CA10: variants seen among roughly 807,000 people sequenced by gnomAD.
CA10 encodes carbonic anhydrase 10 (inactive).
A neutral mutation model predicts 44.2 loss-of-function variants in CA10; 14 were observed. The ratio of observed to expected loss-of-function variants is 0.32; its 90% CI spans 0.21 to 0.50. The LOEUF (loss-of-function observed/expected upper bound fraction) is 0.50. Ranked by LOEUF, CA10 falls within the 20% of genes least tolerant of loss-of-function variation. The pLI, the probability that CA10 is intolerant of heterozygous loss-of-function variation, is 0.99. For missense variants in CA10, 350 were observed against 409.7 expected, an observed-to-expected ratio of 0.85 and a Z score of 1.26; for synonymous variants, 159 against 141.6, an observed-to-expected ratio of 1.12 and a Z score of -0.87.
At position 51,644,082 on chromosome 17, in the gene CA10, C is replaced by T. The variant is rs182315037; in HGVS notation, c.634+5100G>A. On this transcript the variant is annotated intron_variant, in intron 6 of 8. Transcript: ENST00000451037. Reference sequence around the variant, plus strand: ...CCTCCAAAATTCCCAATCCTCTTGGCGAGATTCTCCCTCTTTCCTCCTTGT... The same window carrying T: ...CCTCCAAAATTCCCAATCCTCTTGGTGAGATTCTCCCTCTTTCCTCCTTGT... Among the ~76,000 whole-genome samples, 12 of 152,260 alleles carry T rather than the reference C, an allele frequency of 7.9e-5. No individual in the cohort carries two copies. The East Asian group carries it at 1.2e-3, about 15-fold the overall frequency.
At chr17:51,937,653 G>C (rs911183834) in intron 2 of CA10, among the ~76,000 whole-genome samples, 1 of 152,012 alleles carries the variant, frequency 6.6e-6, no homozygotes, top group Non-Finnish European at 1.5e-5. Flanking sequence ...GATGAACCAG[G>C]GATAGAAAGA....
At chr17:51,770,921 C>T (rs992914445) in intron 3 of CA10, among the ~76,000 whole-genome samples, 1 of 151,674 alleles carries the variant, frequency 6.6e-6, no homozygotes, top group Admixed American at 6.6e-5. Context: ...GTCAAGAGAT[C>T]GAGACCATCC....
At chr17:51,744,324 A>G (rs1904582742) in intron 4 of CA10, among the ~76,000 whole-genome samples, 1 of 152,086 alleles carries the variant, frequency 6.6e-6, no homozygotes, top group Non-Finnish European at 1.5e-5. Flanking sequence ...CAAAAAAAAA[A>G]AAAAAATTAT....
intron 1 of CA10, chr17:52,134,970 G>A (rs1339840138): frequency 1.9e-6 from 1 of 518,976 alleles, no homozygotes; most frequent in Non-Finnish European, 3.8e-6. Flanking sequence ...CTCTCCATGT[G>A]TGCCATCACC....
chr17:52,154,300 C>T (rs927822439), intron 1 of CA10, among the ~76,000 whole-genome samples: 2 of 152,052 alleles, frequency 1.3e-5, no homozygotes, highest in Non-Finnish European at 2.9e-5. Flanking sequence ...GCTTTGGTTG[C>T]TATATCTATA....
intron 1 of CA10, among the ~76,000 whole-genome samples, chr17:52,118,792 G>A (rs1033003395): frequency 6.6e-6 from 1 of 151,908 alleles, no homozygotes; most frequent in Non-Finnish European, 1.5e-5. Flanking sequence ...TTTGTCAATC[G>A]TGTTTTTGAC....
At chr17:51,996,193 A>T (rs1445719923) in intron 2 of CA10, among the ~76,000 whole-genome samples, 1 of 152,002 alleles carries the variant, frequency 6.6e-6, no homozygotes, top group African/African-American at 2.4e-5. Flanking sequence ...ACCAATGAGG[A>T]AGCAGCTCAT....
intron 3 of CA10, among the ~76,000 whole-genome samples, chr17:51,928,236 T>C (rs1340160764): frequency 6.6e-6 from 1 of 152,148 alleles, no homozygotes; most frequent in Admixed American, 6.5e-5. Context: ...TAAATAACTT[T>C]TTGCATGAAA....
At position 52,049,677 on chromosome 17, in the gene CA10, T is replaced by C. The variant is rs1747999289; in HGVS notation, c.136+22642A>G. On this transcript the variant is annotated intron_variant, in intron 2 of 8. Coordinates refer to ENST00000451037, the MANE Select transcript of CA10 (RefSeq NM_020178.5). ...AGTGGCTATAAATATCATTTGTATG[T>C]TGGCAGGAGACAAATGTGTATGTCC... is the stretch of plus-strand genomic sequence containing the variant. 3.3e-5 allele frequency among the ~76,000 whole-genome samples: 5 copies of C among 152,114 alleles called. 1 individual carries two copies. In the South Asian group the frequency reaches 1.0e-3, roughly 32 times the overall value.
chr17:51,933,000 G>A (rs1464006933), intron 2 of CA10, among the ~76,000 whole-genome samples: 2 of 152,028 alleles, frequency 1.3e-5, no homozygotes, highest in Non-Finnish European at 2.9e-5. Flanking sequence ...CATCCTCCTA[G>A]CAGTCTTTGT....
At chr17:51,642,176 CGTGA>C (rs1400745163) in intron 6 of CA10, among the ~76,000 whole-genome samples, 2 of 152,170 alleles carry the variant, frequency 1.3e-5, no homozygotes, top group East Asian at 3.9e-4. Flanking sequence ...TCCTTGCTGA[CGTGA>C]GTAACTACTT....
At chr17:52,156,630 AG>A (rs1454316757) in intron 1 of CA10, among the ~76,000 whole-genome samples, 1 of 152,222 alleles carries the variant, frequency 6.6e-6, no homozygotes, top group African/African-American at 2.4e-5. Context: ...AGGAAGAGGC[AG>A]GAAACATGTC....
At chr17:51,636,058 G>A (rs1226638891) in intron 6 of CA10, 49 bp from the exon 7 acceptor site, 4 of 1,276,988 alleles carry the variant, frequency 3.1e-6, no homozygotes, top group East Asian at 2.4e-5. Context: ...AGAAAGGGAT[G>A]GTATTGCTGA....
intron 2 of CA10, among the ~76,000 whole-genome samples, chr17:51,984,319 T>A (rs759036622): frequency 3.3e-5 from 5 of 151,652 alleles, no homozygotes; most frequent in Non-Finnish European, 7.4e-5. Context: ...ACAAAAATAA[T>A]GACACAACCT....
chr17:51,999,476 T>G (rs1598159562), intron 2 of CA10, among the ~76,000 whole-genome samples: 1 of 152,086 alleles, frequency 6.6e-6, no homozygotes, highest in East Asian at 1.9e-4. Context: ...GTTCTTTTTA[T>G]GTGGGCAAGA....
chr17:51,913,457 G>A (rs1471321149), intron 3 of CA10, among the ~76,000 whole-genome samples: 5 of 152,120 alleles, frequency 3.3e-5, no homozygotes, highest in Non-Finnish European at 5.9e-5. Flanking sequence ...GTTTTAAATT[G>A]TTTGTCTGAG....
At chr17:51,934,246 G>C (rs78477902) in intron 2 of CA10, among the ~76,000 whole-genome samples, 341 of 152,174 alleles carry the variant, frequency 2.2e-3, no homozygotes, top group African/African-American at 7.8e-3. Context: ...TGGATTTAAG[G>C]CCATAGAGGC....
intron 3 of CA10, among the ~76,000 whole-genome samples, chr17:51,917,764 C>A (rs768862953): frequency 6.6e-6 from 1 of 152,254 alleles, no homozygotes; most frequent in Middle Eastern, 3.4e-3. Flanking sequence ...CCCCATGGTC[C>A]AATTACCTCC....
At chr17:51,809,448 A>G (rs1385859714) in intron 3 of CA10, among the ~76,000 whole-genome samples, 3 of 152,228 alleles carry the variant, frequency 2.0e-5, no homozygotes, top group Non-Finnish European at 4.4e-5. Flanking sequence ...TGCAAAAAAC[A>G]GATTCAGAAA....
Sources: allele counts gnomAD v4.1 joint callset (sites outside exome capture counted in the v4.1 genomes callset), GRCh38; gene constraint gnomAD v4.1.1; transcripts MANE v1.5; gene names NCBI Gene and HGNC (gene_info 2026-07-23, HGNC 2026-07-21).